The following ZNRF3 variants were observed in gnomAD, a reference collection of about 807,000 sequenced individuals.
The protein encoded by ZNRF3 is zinc and ring finger 3.
ZNRF3 carries 23 observed loss-of-function variants against 72.5 expected under a neutral mutation model. The observed-to-expected ratio is 0.32, with a 90% confidence interval of 0.23 to 0.45. The LOEUF (loss-of-function observed/expected upper bound fraction) is 0.45, where lower values mean the gene tolerates loss of function less well. Among genes scored for constraint, ZNRF3 ranks in the 20% least tolerant of loss-of-function variants. The probability of loss-of-function intolerance (pLI) is 1.00; values close to 1 mark genes in which losing one functional copy is unlikely to be tolerated. For synonymous variants in ZNRF3, 610 were observed against 545.3 expected, an observed-to-expected ratio of 1.12 and a Z score of -1.65; for missense variants, 1,169 against 1,272.1, an observed-to-expected ratio of 0.92 and a Z score of 1.23.
intron 4 of ZNRF3, among the ~76,000 whole-genome samples, chr22:29,044,331 T>C (rs2037020732): frequency 6.6e-6 from 1 of 152,162 alleles, no homozygotes; most frequent in Non-Finnish European, 1.5e-5. Flanking sequence ...CTCATTGTAG[T>C]GGAAGCTGAT....
chr22:28,916,879 G>A (rs966833323), intron 1 of ZNRF3, among the ~76,000 whole-genome samples: 13 of 152,234 alleles, frequency 8.5e-5, no homozygotes, highest in East Asian at 3.9e-4. Context: ...GGAGTGTGAC[G>A]CTCTTGGAGT....
chr22:29,044,883 G>T lies in ZNRF3; in HGVS notation c.737G>T (p.Arg246Leu). Residue 246 changes from arginine to leucine, a missense_variant, in exon 5 of 9, where the codon CGC becomes CTC. Coordinates refer to ENST00000544604, the MANE Select transcript of ZNRF3 (RefSeq NM_001206998.2). ...GTCAAAATCAAGCTGAAGCAGCGAC[G>T]CAGTCAGGTAGTGCCTCTGTGTGTA... ...LLVKIKLKQRRSQNSMNRLAV... is the reference protein window; with the variant it reads ...LLVKIKLKQRLSQNSMNRLAV... 1 of 1,612,906 alleles carries T rather than the reference G, an allele frequency of 6.2e-7. No homozygotes were observed. The highest frequency in any genetic ancestry group is 1.1e-5 in the South Asian group (1 of 91,050).
intron 1 of ZNRF3, among the ~76,000 whole-genome samples, chr22:28,985,437 C>T (rs560553940): frequency 6.6e-6 from 1 of 152,286 alleles, no homozygotes; most frequent in South Asian, 2.1e-4. Context: ...TAAGCTCACT[C>T]GAGGCTCAGC....
intron 2 of ZNRF3, among the ~76,000 whole-genome samples, chr22:28,992,208 C>T (rs981545792): frequency 1.1e-4 from 16 of 148,084 alleles, no homozygotes; most frequent in African/African-American, 3.0e-4. Flanking sequence ...CCCCACCCCC[C>T]GGAAAAACGA....
At chr22:29,011,746 G>C (rs1477994516) in intron 2 of ZNRF3, among the ~76,000 whole-genome samples, 2 of 152,216 alleles carry the variant, frequency 1.3e-5, no homozygotes, top group Non-Finnish European at 2.9e-5. Flanking sequence ...CGTTTTCCAA[G>C]TAACTCCAAG....
At chr22:29,015,915 C>T (rs1051988089) in intron 2 of ZNRF3, among the ~76,000 whole-genome samples, 1 of 149,860 alleles carries the variant, frequency 6.7e-6, no homozygotes, top group Non-Finnish European at 1.5e-5. Flanking sequence ...ACTCAGGAGG[C>T]TGAGGAAGGA....
chr22:28,901,549 C>T (rs1248006433), intron 1 of ZNRF3, among the ~76,000 whole-genome samples: 1 of 151,504 alleles, frequency 6.6e-6, no homozygotes. Flanking sequence ...TGCTTTTCTG[C>T]TTTTTGCTGG....
At position 29,049,254 on chromosome 22, in the gene ZNRF3, G is replaced by A. The variant is rs761822934; in HGVS notation, c.1073G>A (p.Arg358Gln). The change falls in exon 8 of 9, where the codon CGG (arginine) becomes CAG (glutamine). Residue 358 changes from arginine to glutamine, a missense_variant. By Grantham distance (43) the Arg-to-Gln change is conservative (BLOSUM62 1). Around this residue, in one of 2 missense-constraint regions of ZNRF3, gnomAD observed 386 missense variants for 540.7 expected, o/e 0.71. Transcript: ENST00000544604. This position sits in a 1 kb window ranked among gnomAD's most constrained non-coding sequence, Gnocchi z 5.2. ...GAGACCAGCAACCTCTCACGTGGTC[G>A]GCAGCAGAGGGTGACCCTGCCGGTG... The part of the protein sequence containing the change: ...CVETSNLSRG[R>Q]QQRVTLPVHY... 3.7e-6 allele frequency: 6 copies of A among 1,613,404 alleles called. No homozygotes were observed. The highest frequency in any genetic ancestry group is 4.2e-6 in the Non-Finnish European group (5 of 1,179,754).
chr22:28,997,060 A>G (rs1569275116), intron 2 of ZNRF3, among the ~76,000 whole-genome samples: 2 of 152,138 alleles, frequency 1.3e-5, no homozygotes, highest in Non-Finnish European at 2.9e-5. Context: ...CTTAAGAGGG[A>G]CGGTTGGGCC....
intron 1 of ZNRF3, among the ~76,000 whole-genome samples, chr22:28,943,617 G>A (rs1044307481): frequency 2.0e-5 from 3 of 152,052 alleles, no homozygotes; most frequent in African/African-American, 4.8e-5. Context: ...AGATGCTGTG[G>A]TGGTTACTGA....
intron 2 of ZNRF3, chr22:29,031,729 G>A (rs777628607): frequency 8.9e-6 from 6 of 672,622 alleles, no homozygotes; most frequent in Non-Finnish European, 1.1e-5. Context: ...CCCGCCAAGA[G>A]GGACCTGTGG....
intron 1 of ZNRF3, among the ~76,000 whole-genome samples, chr22:28,944,929 A>ATAAATAAC (rs2035022713): frequency 3.5e-5 from 1 of 28,536 alleles, no homozygotes; most frequent in Admixed American, 7.8e-4. Context: ...CCGTCTCCAA[A>ATAAATAAC]TAAATAAATA....
intron 1 of ZNRF3, among the ~76,000 whole-genome samples, chr22:28,954,395 A>G (rs1488340404): frequency 1.3e-5 from 2 of 152,120 alleles, no homozygotes; most frequent in African/African-American, 2.4e-5. Context: ...TAATCTCATC[A>G]TGATGGCCCT....
intron 1 of ZNRF3, among the ~76,000 whole-genome samples, chr22:28,973,774 G>A (rs1377569026): frequency 6.6e-6 from 1 of 152,086 alleles, no homozygotes; most frequent in Non-Finnish European, 1.5e-5. Context: ...AAAAGAAAAA[G>A]GAATGAACTT....
chr22:28,893,588 C>A lies in ZNRF3; in HGVS notation c.300+9522C>A, dbSNP rs375574646. On this transcript the variant is annotated intron_variant, in intron 1 of 8. Coordinates refer to ENST00000544604, the MANE Select transcript of ZNRF3 (RefSeq NM_001206998.2). ...TCTTGGCTCCCTGCAACCTCTGCCTCCTGGGCTCAAGCCATCCTCCCACCT... is the reference window on the plus strand; with the variant it reads ...TCTTGGCTCCCTGCAACCTCTGCCTACTGGGCTCAAGCCATCCTCCCACCT... 1.8e-3 allele frequency among the ~76,000 whole-genome samples: 277 copies of A among 150,130 alleles called. 1 individual carries two copies. The highest frequency in any genetic ancestry group is 9.1e-3 in the South Asian group (43 of 4,712).
chr22:28,934,634 G>C (rs529942285), intron 1 of ZNRF3, among the ~76,000 whole-genome samples: 1 of 151,900 alleles, frequency 6.6e-6, no homozygotes, highest in African/African-American at 2.4e-5. Flanking sequence ...CCTGGCCAAC[G>C]TGGTGAAACC....
intron 4 of ZNRF3, among the ~76,000 whole-genome samples, chr22:29,044,472 A>G (rs2037022454): frequency 2.0e-5 from 3 of 152,214 alleles, no homozygotes; most frequent in Admixed American, 2.0e-4. Flanking sequence ...GTTGATTTGG[A>G]AGGGCCTTTC....
intron 2 of ZNRF3, among the ~76,000 whole-genome samples, chr22:28,990,930 G>C (rs962874834): frequency 1.3e-5 from 2 of 152,018 alleles, no homozygotes; most frequent in Admixed American, 1.3e-4. Flanking sequence ...ACTCAAGGCA[G>C]AATAAATGCC....
At chr22:28,896,455 G>T (rs2034002049) in intron 1 of ZNRF3, among the ~76,000 whole-genome samples, 1 of 152,086 alleles carries the variant, frequency 6.6e-6, no homozygotes, top group Non-Finnish European at 1.5e-5. Flanking sequence ...GTAGAGACAG[G>T]GTTTCGCCAT....
Sources: allele counts gnomAD v4.1 joint callset (sites outside exome capture counted in the v4.1 genomes callset), GRCh38; gene constraint gnomAD v4.1.1; regional missense constraint gnomAD v4.1.1; non-coding constraint Gnocchi (gnomAD v3.1); transcripts MANE v1.5; gene names NCBI Gene and HGNC (gene_info 2026-07-23, HGNC 2026-07-21).